Variants in ZBTB38 observed in about 807,000 individuals in gnomAD.
ZBTB38 encodes the protein zinc finger and BTB domain-containing protein 38.
In ZBTB38, 20 loss-of-function variants were observed where a neutral mutation model predicts 76.8. The ratio of observed to expected loss-of-function variants is 0.26; its 90% CI spans 0.18 to 0.38. The LOEUF (loss-of-function observed/expected upper bound fraction) is 0.38, where lower values mean the gene tolerates loss of function less well. ZBTB38 is among the 10% of genes least tolerant of loss of function. The pLI, the probability that ZBTB38 is intolerant of heterozygous loss-of-function variation, is 1.00. For synonymous variants in ZBTB38, 504 were observed against 544.2 expected (o/e 0.93, Z 1.03); for missense variants, 1,082 against 1,482.3 (o/e 0.73, Z 4.43).
At chr3:141,363,870 A>C (rs186968244), upstream of ZBTB38, among the ~76,000 whole-genome samples, 195 of 152,252 alleles carry the variant, frequency 1.3e-3, 1 homozygote, top group African/African-American at 4.5e-3. Flanking sequence ...AAACTATAAA[A>C]CTCTCAGAAG....
chr3:141,335,561 A>G (rs1379463241), intron 1 of ZBTB38, among the ~76,000 whole-genome samples: 4 of 152,232 alleles, frequency 2.6e-5, no homozygotes, highest in Admixed American at 2.0e-4. Flanking sequence ...CTGCTGTTTC[A>G]GGCAGCATGA....
rs567642794 is a variant in ZBTB38 at position 141,413,588 on chromosome 3, C to A, written c.-1+9557C>A. 6.6e-6 allele frequency among the ~76,000 whole-genome samples: 1 copy of A among 152,202 alleles called. No individual in the cohort carries two copies. Among genetic ancestry groups the A allele is most frequent in the East Asian group, 1.9e-4 (1 of 5,188 alleles). On this transcript the variant is annotated intron_variant, in intron 5 of 5. Coordinates refer to ENST00000321464, the MANE Select transcript of ZBTB38 (RefSeq NM_001376113.1). This position sits in a 1 kb window ranked among gnomAD's most constrained non-coding sequence, Gnocchi z 4.1. ...TGATGTCAACTCCCACATACTGTAA[C>A]CCAGGAAGGAGCATGATGTCAGCTC... is the stretch of plus-strand genomic sequence containing the variant.
intron 1 of ZBTB38, among the ~76,000 whole-genome samples, chr3:141,357,608 CA>C (rs1943700869): frequency 6.6e-6 from 1 of 152,174 alleles, no homozygotes; most frequent in Admixed American, 6.5e-5. Flanking sequence ...CGGCTCACTG[CA>C]AGTTCCGGCT....
At chr3:141,433,432 C>G (rs769674777) in intron 5 of ZBTB38, among the ~76,000 whole-genome samples, 4 of 151,466 alleles carry the variant, frequency 2.6e-5, no homozygotes, top group Non-Finnish European at 5.9e-5. Context: ...TTTTGTTTAT[C>G]TGAGTTCTTT....
intron 1 of ZBTB38, among the ~76,000 whole-genome samples, chr3:141,358,819 T>C (rs1466945323): frequency 6.6e-6 from 1 of 152,214 alleles, no homozygotes; most frequent in Non-Finnish European, 1.5e-5. Context: ...CATGAAAACA[T>C]AGAATTTGTG....
chr3:141,327,908 C>G (rs961019602), intron 1 of ZBTB38, among the ~76,000 whole-genome samples: 8 of 152,194 alleles, frequency 5.3e-5, no homozygotes, highest in Non-Finnish European at 8.8e-5. Flanking sequence ...TACTGAGACT[C>G]TGTGTCTTCC....
At chr3:141,424,511 C>A (rs1577315738) in intron 5 of ZBTB38, among the ~76,000 whole-genome samples, 1 of 152,028 alleles carries the variant, frequency 6.6e-6, no homozygotes, top group East Asian at 1.9e-4. Flanking sequence ...CAGAGTGAGA[C>A]CCTGTCAGTA....
chr3:141,355,023 T>G (rs1943620939), intron 1 of ZBTB38, among the ~76,000 whole-genome samples: 1 of 152,038 alleles, frequency 6.6e-6, no homozygotes, highest in South Asian at 2.1e-4. Flanking sequence ...AATTAATATA[T>G]GCACACATTG....
chr3:141,365,075 A>G (rs1156476872), upstream of ZBTB38, among the ~76,000 whole-genome samples: 2 of 152,226 alleles, frequency 1.3e-5, no homozygotes, highest in Non-Finnish European at 2.9e-5. Flanking sequence ...CCACAAAAAA[A>G]AAACTTGCAC....
At chr3:141,328,246 G>T (rs6795377) in intron 1 of ZBTB38, among the ~76,000 whole-genome samples, 49,985 of 151,864 alleles carry the variant, frequency 0.33, 8,900 homozygotes, top group Non-Finnish European at 0.4. Context: ...CATAATACCC[G>T]ACATTTTTCT....
intron 1 of ZBTB38, among the ~76,000 whole-genome samples, chr3:141,333,752 G>A (rs1292966062): frequency 6.6e-6 from 1 of 152,134 alleles, no homozygotes; most frequent in Non-Finnish European, 1.5e-5. Context: ...GTTGGGTTTT[G>A]GAGCACACAC....
intron 1 of ZBTB38, among the ~76,000 whole-genome samples, chr3:141,334,803 C>T (rs944575084): frequency 2.0e-5 from 3 of 152,138 alleles, no homozygotes; most frequent in Admixed American, 1.3e-4. Flanking sequence ...GTTCCTCTAC[C>T]TGAGAAGTGA....
chr3:141,339,637 A>G (rs532414468), intron 1 of ZBTB38, among the ~76,000 whole-genome samples: 1 of 152,336 alleles, frequency 6.6e-6, no homozygotes, highest in African/African-American at 2.4e-5. Context: ...GTTAAGGATG[A>G]TTCCAACCTT....
At chr3:141,370,319 A>G (rs924480126) in intron 2 of ZBTB38, among the ~76,000 whole-genome samples, 7 of 152,212 alleles carry the variant, frequency 4.6e-5, no homozygotes, top group African/African-American at 1.7e-4. Flanking sequence ...AAAAGTGCAC[A>G]TGGGAGTTTT....
chr3:141,445,406 T>C lies in ZBTB38; in HGVS notation c.3018T>C (p.Thr1006=), dbSNP rs867369583. 1.9e-6 allele frequency: 3 copies of C among 1,614,184 alleles called. No homozygotes were observed. The highest frequency in any genetic ancestry group is 3.3e-4 in the Middle Eastern group (2 of 6,062). The change falls in exon 6 of 6, where the codon ACT becomes ACC. Residue 1006 remains threonine (T), a synonymous_variant. Coordinates refer to ENST00000321464, the MANE Select transcript of ZBTB38 (RefSeq NM_001376113.1). This position sits in a 1 kb window ranked among gnomAD's most constrained non-coding sequence, Gnocchi z 6.5. ...AAGGAAGGCCCCACCGACATCTTAC[T>C]TCTCGGCCATATGCCTGCGAGCTCT... The part of the protein sequence containing the change: ...GNQGRPHRHL[T]SRPYACELCA...
intron 1 of ZBTB38, among the ~76,000 whole-genome samples, chr3:141,355,512 G>A (rs75465853): frequency 0.015 from 2,310 of 152,126 alleles, 59 homozygotes; most frequent in African/African-American, 0.049. Context: ...ATGGAAAGGC[G>A]TCTTGGTGCT....
intron 5 of ZBTB38, among the ~76,000 whole-genome samples, chr3:141,431,041 G>C (rs182359788): frequency 6.6e-6 from 1 of 152,014 alleles, no homozygotes; most frequent in African/African-American, 2.4e-5. Context: ...TACATTTTGG[G>C]GCCAGGCACG....
At chr3:141,401,286 G>C (rs1016843046) in intron 4 of ZBTB38, among the ~76,000 whole-genome samples, 5 of 152,020 alleles carry the variant, frequency 3.3e-5, no homozygotes, top group Non-Finnish European at 5.9e-5. Context: ...GGCATATGGA[G>C]GAAGAATAAA....
Position 141,446,054 on chromosome 3 carries a change from TC to T in ZBTB38, c.*80del. 7.7e-7 allele frequency: 1 copy of T among 1,303,514 alleles called. No homozygotes were observed. The highest frequency in any genetic ancestry group is 2.4e-5 in the East Asian group (1 of 42,478). 80.7% of individuals were successfully genotyped at this position (1,303,514 alleles called of 1,614,324 possible). A position where few individuals can be genotyped will look rare whatever the true frequency, so the allele number is the denominator to read the frequency against. ...ATGATTTAAGTTTAGTTTCATTTTG[TC>T]CATGTGACAGTCATGAAGGAGTGAA... On this transcript the variant is annotated 3_prime_UTR_variant, in exon 6 of 6. Transcript: ENST00000321464.
Sources: allele counts gnomAD v4.1 joint callset (sites outside exome capture counted in the v4.1 genomes callset), GRCh38; gene constraint gnomAD v4.1.1; non-coding constraint Gnocchi (gnomAD v3.1); transcripts MANE v1.5; gene names NCBI Gene and HGNC (gene_info 2026-07-23, HGNC 2026-07-21).